The following GRXCR1 variants were observed in gnomAD, a reference collection of about 807,000 sequenced individuals.
GRXCR1 encodes the protein glutaredoxin and cysteine rich domain containing 1.
Under a neutral mutation model 27.3 loss-of-function variants are expected in GRXCR1, and 27 were observed. The ratio of observed to expected loss-of-function variants is 0.99; its 90% confidence interval spans 0.73 to 1.37. The LOEUF is 1.37. Among genes scored for constraint, GRXCR1 ranks in the 40% most tolerant of loss-of-function variants. The probability of loss-of-function intolerance (pLI) is 0.00; values close to 1 mark genes in which losing one functional copy is unlikely to be tolerated. For missense variants in GRXCR1, 379 were observed against 354.4 expected (o/e 1.07, Z -0.56); for synonymous variants, 122 against 131.1 (o/e 0.93, Z 0.47).
At chr4:42,955,175 G>A (rs7678218) in intron 1 of GRXCR1, among the ~76,000 whole-genome samples, 72,089 of 151,816 alleles carry the variant, frequency 0.47, 18,408 homozygotes, top group African/African-American at 0.67. Context: ...GCCTACTGAC[G>A]TGCTGTATTG....
At chr4:42,995,401 G>C (rs995071663) in intron 2 of GRXCR1, among the ~76,000 whole-genome samples, 9 of 152,112 alleles carry the variant, frequency 5.9e-5, no homozygotes, top group Non-Finnish European at 8.8e-5. Flanking sequence ...TGCATTTGTA[G>C]AAATGATCCA....
chr4:43,006,259 GGGCAC>G (rs1224407708), intron 2 of GRXCR1, among the ~76,000 whole-genome samples: 95 of 152,240 alleles, frequency 6.2e-4, no homozygotes, highest in African/African-American at 1.9e-3. Context: ...TATGAAATGT[GGGCAC>G]CTTGAAAAAA....
intron 1 of GRXCR1, among the ~76,000 whole-genome samples, chr4:42,932,619 TAGAGAGAGAG>T (rs762758381): frequency 0.025 from 564 of 22,706 alleles, 15 homozygotes; most frequent in East Asian, 0.049. Flanking sequence ...TATATATATA[TAGAGAGAGAG>T]AGAGAGAGAG....
rs1308698505 is a variant in GRXCR1, at chr4:42,982,609, T to G, written c.627+19475T>G. The stretch of plus-strand genomic sequence containing the variant: ...CTGGGTCAAATGGTATTTCCAGTTC[T>G]AGATCCCTGAGGAATCGCCACACTG... On this transcript the variant is annotated intron_variant, in intron 2 of 3. Transcript: ENST00000399770. Among the ~76,000 whole-genome samples the G allele has an allele frequency of 9.0e-4, 115 of 127,136 alleles. 1 individual carries two copies. Among genetic ancestry groups the G allele is most frequent in the Admixed American group, 1.6e-3 (19 of 12,130 alleles). The allele number at this position is 127,136 out of a possible 152,430, so 83.4% of individuals were successfully genotyped here.
intron 2 of GRXCR1, among the ~76,000 whole-genome samples, chr4:42,966,759 T>C (rs192244140): frequency 4.8e-4 from 73 of 152,264 alleles, no homozygotes; most frequent in Admixed American, 1.4e-3. Flanking sequence ...AGATATCTCA[T>C]TGTTGCTTTA....
At chr4:42,970,542 CT>C (rs1476037770) in intron 2 of GRXCR1, among the ~76,000 whole-genome samples, 1 of 152,184 alleles carries the variant, frequency 6.6e-6, no homozygotes, top group Non-Finnish European at 1.5e-5. Context: ...GGCTTGCACC[CT>C]CTGAAGCCAT....
chr4:42,992,208 A>C (rs1258502201), intron 2 of GRXCR1, among the ~76,000 whole-genome samples: 1 of 152,178 alleles, frequency 6.6e-6, no homozygotes, highest in Non-Finnish European at 1.5e-5. Context: ...CTGTTTCTTA[A>C]GAAGATTATA....
intron 2 of GRXCR1, among the ~76,000 whole-genome samples, chr4:42,997,423 A>C (rs901870020): frequency 5.3e-5 from 8 of 152,192 alleles, no homozygotes; most frequent in African/African-American, 1.4e-4. Context: ...AATAATAAAA[A>C]TATGTAGCTG....
At chr4:42,953,961 G>A (rs10019102) in intron 1 of GRXCR1, among the ~76,000 whole-genome samples, 16,631 of 152,046 alleles carry the variant, frequency 0.11, 1,388 homozygotes, top group African/African-American at 0.24. Context: ...AGACTGGTCA[G>A]GAAACTGTCC....
chr4:42,934,298 G>A (rs1418800120), intron 1 of GRXCR1, among the ~76,000 whole-genome samples: 3 of 151,138 alleles, frequency 2.0e-5, no homozygotes, highest in African/African-American at 4.8e-5. Flanking sequence ...CCGAAGTACT[G>A]TTTGAATGAT....
chr4:42,947,587 T>G (rs1747777643), intron 1 of GRXCR1, among the ~76,000 whole-genome samples: 1 of 152,188 alleles, frequency 6.6e-6, no homozygotes, highest in Non-Finnish European at 1.5e-5. Context: ...TTAATGAGAC[T>G]TATTATTTTG....
At chr4:42,912,223 G>A (rs1746737419) in intron 1 of GRXCR1, among the ~76,000 whole-genome samples, 1 of 152,174 alleles carries the variant, frequency 6.6e-6, no homozygotes, top group Admixed American at 6.5e-5. Flanking sequence ...CGGCATAAAT[G>A]TGTAAGATGC....
At chr4:43,018,872 GT>G (rs1269242612) in intron 2 of GRXCR1, among the ~76,000 whole-genome samples, 7 of 152,078 alleles carry the variant, frequency 4.6e-5, no homozygotes, top group Non-Finnish European at 7.3e-5. Flanking sequence ...TACTTTAGAG[GT>G]TTCACGTCTG....
intron 1 of GRXCR1, among the ~76,000 whole-genome samples, chr4:42,950,096 A>G (rs944894299): frequency 5.0e-4 from 76 of 152,290 alleles, no homozygotes; most frequent in South Asian, 4.2e-4. Context: ...CTTTAATCTT[A>G]TATAATATTG....
At chr4:42,900,329 AT>A (rs1456341329) in intron 1 of GRXCR1, among the ~76,000 whole-genome samples, 1 of 152,156 alleles carries the variant, frequency 6.6e-6, no homozygotes, top group Non-Finnish European at 1.5e-5. Context: ...TCTTTGCTCA[AT>A]TTTATTTTTC....
intron 2 of GRXCR1, among the ~76,000 whole-genome samples, chr4:42,981,153 A>ATTTTTTTTTTTTTTTTTTTTTTTT (rs71201823): frequency 7.4e-6 from 1 of 135,076 alleles, no homozygotes. Flanking sequence ...CTGTAGTGGT[A>ATTTTTTTTTTTTTTTTTTTTTTTT]TTTTTTTTTT....
chr4:42,898,636 A>G (rs779857655), intron 1 of GRXCR1, among the ~76,000 whole-genome samples: 7 of 152,142 alleles, frequency 4.6e-5, no homozygotes, highest in Non-Finnish European at 8.8e-5. Flanking sequence ...TGAATATTAG[A>G]CACTGTTGAC....
intron 2 of GRXCR1, among the ~76,000 whole-genome samples, chr4:42,975,243 C>T (rs1444304288): frequency 6.6e-6 from 1 of 152,074 alleles, no homozygotes; most frequent in Non-Finnish European, 1.5e-5. Flanking sequence ...CTACGATAGT[C>T]CCTGGGCCTA....
intron 1 of GRXCR1, among the ~76,000 whole-genome samples, chr4:42,949,682 C>T (rs1312635066): frequency 1.3e-5 from 2 of 152,146 alleles, no homozygotes; most frequent in Non-Finnish European, 2.9e-5. Flanking sequence ...ACCAACCAAG[C>T]TTTCATAAAT....
Sources: gnomAD v4.1 joint callset for allele counts (sites outside exome capture counted in the v4.1 genomes callset) on GRCh38, gnomAD v4.1.1 for gene constraint, MANE v1.5 for transcripts, NCBI Gene and HGNC (gene_info 2026-07-23, HGNC 2026-07-21) for gene names.